CDV3: variants seen among roughly 807,000 people sequenced by gnomAD.
CDV3 encodes CDV3 homolog.
Under a neutral mutation model 24.5 loss-of-function variants are expected in CDV3, and 14 were observed. That is an observed-to-expected ratio of 0.57 (90% CI 0.38 to 0.89). CDV3 has a LOEUF of 0.89. Among genes scored for constraint, CDV3 ranks in the 40% least tolerant of loss-of-function variants. CDV3 has a pLI of 0.00. For missense variants in CDV3, 304 were observed against 310.2 expected, an observed-to-expected ratio of 0.98 and a Z score of 0.15; for synonymous variants, 114 against 114.1, an observed-to-expected ratio of 1.00 and a Z score of 0.00.
At chr3:133,585,526 ACT>A (rs928852469) in intron 3 of CDV3, among the ~76,000 whole-genome samples, 3 of 138,686 alleles carry the variant, frequency 2.2e-5, no homozygotes, top group East Asian at 2.1e-4. Context: ...ACAAAGTCTC[ACT>A]CTCTTGCCCA....
rs1933974311 is a variant in CDV3 at position 133,590,107 on chromosome 3, G to A, written c.*2061G>A. The A allele has an allele frequency of 6.6e-6, 1 of 152,164 alleles. No homozygotes were observed. The highest frequency in any genetic ancestry group is 2.4e-5 in the African/African-American group (1 of 41,438). The allele number at this position is 152,164 out of a possible 1,614,324, so 9.4% of individuals were successfully genotyped here. On this transcript the variant is annotated 3_prime_UTR_variant, in exon 5 of 5. Transcript: ENST00000264993. ...TTGTTATAACTTTTTAAAAGATTGT[G>A]AAAATATCAAAATATAAATGAATCA...
intron 4 of CDV3, chr3:133,587,538 T>C (rs1395675286): frequency 9.1e-7 from 1 of 1,098,042 alleles, no homozygotes; most frequent in Admixed American, 4.7e-5. Context: ...AATGAGAAAA[T>C]TGTTACCCTT....
At chr3:133,585,191 A>G (rs764593598) in intron 3 of CDV3, among the ~76,000 whole-genome samples, 11 of 151,890 alleles carry the variant, frequency 7.2e-5, no homozygotes, top group East Asian at 1.9e-4. Context: ...CAAGTAGACT[A>G]CCGGGGCATG....
chr3:133,579,885 G>GC (rs2074951669), intron 2 of CDV3, among the ~76,000 whole-genome samples: 1 of 152,100 alleles, frequency 6.6e-6, no homozygotes, highest in South Asian at 2.1e-4. Context: ...GAGCCACTGC[G>GC]CCCGGCTGAT....
At chr3:133,578,045 A>G (rs1274179951) in intron 2 of CDV3, among the ~76,000 whole-genome samples, 1 of 152,106 alleles carries the variant, frequency 6.6e-6, no homozygotes, top group East Asian at 1.9e-4. Context: ...GTTGGAATGC[A>G]GTGGCATGAT....
rs911405511 is a variant in CDV3, at chr3:133,588,123, T to C, written c.*77T>C. 7.0e-6 allele frequency: 11 copies of C among 1,574,514 alleles called. No individual in the cohort carries two copies. In the South Asian group the frequency reaches 1.1e-4, roughly 15 times the overall value. On this transcript the variant is annotated 3_prime_UTR_variant, in exon 5 of 5. Coordinates refer to ENST00000264993, the MANE Select transcript of CDV3 (RefSeq NM_017548.5). ...ACCAACAGCCATTCATCATCTGATC[T>C]CTGCTGGATCTACAGACACCGATGC... is the stretch of plus-strand genomic sequence containing the variant.
rs563033525 is a variant in CDV3, at chr3:133,581,146, G to T, written c.318-2856G>T. ...TCCTGTAATCCCAGCACTTTGGGAG[G>T]CAGAGGTAGGAGGATCACTTGAGGC... On this transcript the variant is annotated intron_variant, in intron 2 of 4. Transcript: ENST00000264993. Among the ~76,000 whole-genome samples the T allele has an allele frequency of 5.9e-5, 9 of 152,196 alleles. No individual in the cohort carries two copies. In the South Asian group the frequency reaches 1.7e-3, roughly 28 times the overall value.
intron 2 of CDV3, among the ~76,000 whole-genome samples, chr3:133,581,674 T>C (rs757244327): frequency 2.0e-5 from 3 of 152,238 alleles, no homozygotes; most frequent in Non-Finnish European, 2.9e-5. Flanking sequence ...AGCCTGACTT[T>C]AGAATCTGCT....
intron 3 of CDV3, 24 bp downstream of exon 3, chr3:133,584,174 G>T: frequency 3.2e-6 from 5 of 1,546,970 alleles, no homozygotes; most frequent in Non-Finnish European, 4.4e-6. Context: ...TTCAGTTTCA[G>T]AAAGATGTCT....
intron 3 of CDV3, 78 bp from the exon 4 acceptor site, chr3:133,586,485 T>C: frequency 2.7e-6 from 2 of 737,704 alleles, no homozygotes; most frequent in Non-Finnish European, 4.6e-6. Context: ...AATTGTTAAA[T>C]GATTGGGAAT....
rs1304542829 is a variant in CDV3 at position 133,584,111 on chromosome 3, A to G, written c.427A>G (p.Lys143Glu). 1 of 1,612,966 alleles carries G rather than the reference A, an allele frequency of 6.2e-7. No homozygotes were observed. Among genetic ancestry groups the G allele is most frequent in the Non-Finnish European group, 8.5e-7 (1 of 1,179,220 alleles). Reference sequence around the variant, plus strand: ...GGAAAAATCTTCAGGTCCCTGGAATAAAACAGCTCCAGTACAAGCACCTCC... The same window carrying G: ...GGAAAAATCTTCAGGTCCCTGGAATGAAACAGCTCCAGTACAAGCACCTCC... ...GMEKSSGPWN[K>E]TAPVQAPPAP... Residue 143 changes from lysine (K) to glutamate (E), a missense_variant, in exon 3 of 5, where the codon AAA becomes GAA. This residue lies in a region of CDV3 where 219 missense variants were observed against 203.6 expected (regional missense o/e 1.08). Coordinates refer to ENST00000264993, the MANE Select transcript of CDV3 (RefSeq NM_017548.5).
At chr3:133,587,418 G>A in intron 4 of CDV3, 1 of 1,182,268 alleles carries the variant, frequency 8.5e-7, no homozygotes, top group South Asian at 4.1e-5. Flanking sequence ...AAGGGACCTT[G>A]GGAGGGCAGT....
Position 133,573,739 on chromosome 3 carries a change from G to C in CDV3, c.-306G>C, listed in dbSNP as rs1182701470. ...ACTCTCGCCAGAACCTCTGGCTCGCGCGTGCCTTTTCCCCTCAGGTTGTGG... is the reference window on the plus strand; with the variant it reads ...ACTCTCGCCAGAACCTCTGGCTCGCCCGTGCCTTTTCCCCTCAGGTTGTGG... On this transcript the variant is annotated 5_prime_UTR_variant, in exon 1 of 5. Coordinates refer to ENST00000264993, the MANE Select transcript of CDV3 (RefSeq NM_017548.5). 6.6e-6 allele frequency: 1 copy of C among 152,012 alleles called. No homozygotes were observed. The highest frequency in any genetic ancestry group is 1.5e-5 in the Non-Finnish European group (1 of 68,094). 9.4% of individuals were successfully genotyped at this position (152,012 alleles called of 1,614,324 possible).
Position 133,589,592 on chromosome 3 carries a change from T to C in CDV3, c.*1546T>C, listed in dbSNP as rs150159691. On this transcript the variant is annotated 3_prime_UTR_variant, in exon 5 of 5. Coordinates refer to ENST00000264993, the MANE Select transcript of CDV3 (RefSeq NM_017548.5). ...ATAATAAATCCCTTTGCCAAATGCATGAGTTGCAGACTTGCTACTGGCAAG... is the reference window on the plus strand; with the variant it reads ...ATAATAAATCCCTTTGCCAAATGCACGAGTTGCAGACTTGCTACTGGCAAG... The C allele has an allele frequency of 0.03, 4,540 of 152,772 alleles. 90 individuals are homozygous for C. The highest frequency in any genetic ancestry group is 0.037 in the Non-Finnish European group (2,532 of 68,030). 9.5% of individuals were successfully genotyped at this position (152,772 alleles called of 1,614,324 possible).
rs997305920 is a variant in CDV3, at chr3:133,574,714, G to A, written c.241-325G>A. On this transcript the variant is annotated intron_variant, in intron 1 of 4. Transcript: ENST00000264993. ...GTGATGACTTAGTCTCTAAGCCCGT[G>A]AAAGAAAAAGAAAACTCTCGGTGGC... 5 of 1,086,480 alleles carry A rather than the reference G, an allele frequency of 4.6e-6. No individual in the cohort carries two copies. In the African/African-American group the frequency reaches 6.6e-5, roughly 14 times the overall value. 67.3% of individuals were successfully genotyped at this position (1,086,480 alleles called of 1,614,324 possible).
intron 4 of CDV3, chr3:133,587,225 A>G: frequency 7.6e-7 from 1 of 1,310,384 alleles, no homozygotes. Context: ...ATCTTACTTT[A>G]GGGACATGAA....
intron 4 of CDV3, chr3:133,587,550 T>A (rs1177940509): frequency 1.6e-5 from 18 of 1,099,968 alleles, no homozygotes; most frequent in Non-Finnish European, 2.0e-5. Flanking sequence ...GTTACCCTTG[T>A]GCATAAAGAG....
intron 2 of CDV3, among the ~76,000 whole-genome samples, chr3:133,582,450 C>T (rs1203298921): frequency 6.6e-6 from 1 of 152,254 alleles, no homozygotes; most frequent in Non-Finnish European, 1.5e-5. Context: ...TGCGCCTGGC[C>T]AGTGCCATTA....
chr3:133,582,273 C>T (rs993258941), intron 2 of CDV3, among the ~76,000 whole-genome samples: 2 of 152,226 alleles, frequency 1.3e-5, no homozygotes, highest in Non-Finnish European at 2.9e-5. Flanking sequence ...TCTCCTGCCT[C>T]AGCCTCCCAA....
Sources: allele counts gnomAD v4.1 joint callset (sites outside exome capture counted in the v4.1 genomes callset), GRCh38; gene constraint gnomAD v4.1.1; regional missense constraint gnomAD v4.1.1; transcripts MANE v1.5; gene names NCBI Gene and HGNC (gene_info 2026-07-23, HGNC 2026-07-21).